The following SMAD4 variants were observed in gnomAD, a reference collection of about 807,000 sequenced individuals.
SMAD4 encodes the protein MAD homolog 4.
SMAD4 carries 7 observed loss-of-function variants against 63.2 expected under a neutral mutation model. The ratio of observed to expected loss-of-function variants is 0.11; its 90% CI spans 0.06 to 0.21. The LOEUF (loss-of-function observed/expected upper bound fraction) is 0.21. Among genes scored for constraint, SMAD4 ranks in the 10% least tolerant of loss-of-function variants. SMAD4 has a pLI of 1.00. For synonymous variants in SMAD4, 215 were observed against 235.4 expected (o/e 0.91, Z 0.79); for missense variants, 312 against 693.8 (o/e 0.45, Z 6.18).
rs1446395355 is a variant in SMAD4 at position 51,083,747 on chromosome 18, A to G, written c.*5280A>G. 6 of 229,784 alleles carry G rather than the reference A, an allele frequency of 2.6e-5. No individual in the cohort carries two copies. The highest frequency in any genetic ancestry group is 1.1e-4 in the African/African-American group (5 of 45,140). The allele number at this position is 229,784 out of a possible 1,614,324, so 14.2% of individuals were successfully genotyped here. ...CTGTAAAATGAGGGAGTTGGAGTAG[A>G]TTAATTATTCCAGCTCTGAAATTCT... On this transcript the variant is annotated 3_prime_UTR_variant, in exon 12 of 12. Coordinates refer to ENST00000342988, the MANE Select transcript of SMAD4 (RefSeq NM_005359.6).
chr18:51,046,973 T>C lies in SMAD4; in HGVS notation c.-74T>C. On this transcript the variant is annotated 5_prime_UTR_variant, in exon 2 of 12. Coordinates refer to ENST00000342988, the MANE Select transcript of SMAD4 (RefSeq NM_005359.6). ...TCCTTGCAACGTTAGCTGTTGTTTTTCACTGTTTCCAAAGGATCAAAATTG... is the reference window on the plus strand; with the variant it reads ...TCCTTGCAACGTTAGCTGTTGTTTTCCACTGTTTCCAAAGGATCAAAATTG... 7.0e-7 allele frequency: 1 copy of C among 1,418,460 alleles called. No homozygotes were observed. Among genetic ancestry groups the C allele is most frequent in the Non-Finnish European group, 9.9e-7 (1 of 1,006,058 alleles). 87.9% of individuals were successfully genotyped at this position (1,418,460 alleles called of 1,614,324 possible). A position where few individuals can be genotyped will look rare whatever the true frequency, so the allele number is the denominator to read the frequency against.
chr18:51,065,324 C>CT, intron 8 of SMAD4, 99 bp from the exon 9 acceptor site: 1 of 971,080 alleles, frequency 1.0e-6, no homozygotes, highest in Non-Finnish European at 1.7e-6. Flanking sequence ...TCTCCCCTCC[C>CT]TTTACCCTTT....
Position 51,058,178 on chromosome 18 carries a change from G to C in SMAD4, c.721G>C (p.Ala241Pro), listed in dbSNP as rs1599189522. 6.2e-7 allele frequency: 1 copy of C among 1,614,184 alleles called. No homozygotes were observed. The highest frequency in any genetic ancestry group is 8.5e-7 in the Non-Finnish European group (1 of 1,180,012). Reference protein sequence around the residue: ...GSHSEGLLQIASGPQPGQQQN... With the variant: ...GSHSEGLLQIPSGPQPGQQQN... ...CCATAGTGAAGGACTGTTGCAGATAGCATCAGGGCCTCAGCCAGGACAGCA... is the reference window on the plus strand; with the variant it reads ...CCATAGTGAAGGACTGTTGCAGATACCATCAGGGCCTCAGCCAGGACAGCA... Residue 241 changes from alanine (A) to proline (P), a missense_variant, in exon 6 of 12, where the codon GCA (alanine) becomes CCA (proline). By Grantham distance (27) the Ala-to-Pro change is conservative. This residue lies in a region of SMAD4 where 169 missense variants were observed against 211.0 expected (regional missense o/e 0.80). Coordinates refer to ENST00000342988, the MANE Select transcript of SMAD4 (RefSeq NM_005359.6).
chr18:51,062,193 T>G (rs1317609032), intron 8 of SMAD4, among the ~76,000 whole-genome samples: 3 of 152,220 alleles, frequency 2.0e-5, no homozygotes, highest in South Asian at 2.1e-4. Context: ...TGTGTTACAT[T>G]GTGTGTTGTG....
intron 5 of SMAD4, among the ~76,000 whole-genome samples, chr18:51,056,620 CAAAAAAAAAAAA>C (rs74178610): frequency 3.4e-5 from 2 of 59,322 alleles, no homozygotes; most frequent in African/African-American, 7.0e-5. Context: ...ACTCCATCTC[CAAAAAAAAAAAA>C]AAAAAAAAAA....
Position 51,033,294 on chromosome 18 carries a change from A to G in SMAD4, c.-128+2671A>G, listed in dbSNP as rs1308417378. Among the ~76,000 whole-genome samples, 4 of 149,402 alleles carry G rather than the reference A, an allele frequency of 2.7e-5. No homozygotes were observed. The East Asian group carries it at 5.9e-4, about 22-fold the overall frequency. On this transcript the variant is annotated intron_variant, in intron 1 of 11. Transcript: ENST00000342988. ...AAACCCCGCCTTCCGGGTTCAAGCG[A>G]TTCTCCTGCGTCAGCCTCCTGAGTA...
intron 10 of SMAD4, among the ~76,000 whole-genome samples, chr18:51,073,388 T>TATATATATATATATATATAC (rs1417299090): frequency 3.1e-5 from 2 of 64,186 alleles, no homozygotes; most frequent in African/African-American, 1.5e-4. Flanking sequence ...TATATATATA[T>TATATATATATATATATATAC]ACACACACAC....
chr18:51,030,830 C>T (rs760744160), intron 1 of SMAD4, among the ~76,000 whole-genome samples: 17 of 151,632 alleles, frequency 1.1e-4, no homozygotes, highest in Non-Finnish European at 1.9e-4. Context: ...GCCTCGCGTC[C>T]CTCGGGCCCC....
intron 5 of SMAD4, among the ~76,000 whole-genome samples, chr18:51,055,335 T>G (rs1346670686): frequency 1.3e-5 from 2 of 152,192 alleles, no homozygotes; most frequent in African/African-American, 4.8e-5. Context: ...GTTAATGGAA[T>G]TGCAACCTTT....
intron 4 of SMAD4, chr18:51,053,896 G>T (rs184231325): frequency 6.6e-6 from 1 of 152,182 alleles, no homozygotes; most frequent in Admixed American, 6.5e-5. Flanking sequence ...TAAAGGATTG[G>T]TTGCTAAAGG....
At chr18:51,060,036 A>C (rs753776689) in intron 8 of SMAD4, 120 bp downstream of exon 8, 1 of 756,186 alleles carries the variant, frequency 1.3e-6, no homozygotes, top group Non-Finnish European at 2.4e-6. Flanking sequence ...AATACTCATC[A>C]TGACATGAGT....
In SMAD4 at chr18:51,033,186, ATTTT is replaced by A. The variant is rs34008927; in HGVS notation, c.-128+2581_-128+2584del. On this transcript the variant is annotated intron_variant, in intron 1 of 11. Coordinates refer to ENST00000342988, the MANE Select transcript of SMAD4 (RefSeq NM_005359.6). ...AGGACTTACACCAGCATAACACAGC[ATTTT>A]TTTTTTTTTTTTTTTTTGAGATGGA... is the stretch of plus-strand genomic sequence containing the variant. Among the ~76,000 whole-genome samples, 6 of 117,310 alleles carry A rather than the reference ATTTT, an allele frequency of 5.1e-5. No homozygotes were observed. The East Asian group carries it at 1.5e-3, about 29-fold the overall frequency. The allele number at this position is 117,310 out of a possible 152,430, so 77.0% of individuals were successfully genotyped here. A position where few individuals can be genotyped will look rare whatever the true frequency, so the allele number is the denominator to read the frequency against.
chr18:51,076,813 A>G, intron 11 of SMAD4, 37 bp downstream of exon 11: 5 of 1,479,108 alleles, frequency 3.4e-6, no homozygotes, highest in South Asian at 1.3e-5. Flanking sequence ...AAGGTATAAT[A>G]GTTGATATTT....
At chr18:51,077,923 G>C (rs1910510751) in intron 11 of SMAD4, among the ~76,000 whole-genome samples, 1 of 152,154 alleles carries the variant, frequency 6.6e-6, no homozygotes, top group Non-Finnish European at 1.5e-5. Flanking sequence ...GCAACCTGTG[G>C]ACACGCACTA....
chr18:51,070,081 T>G (rs1254722538), intron 10 of SMAD4, among the ~76,000 whole-genome samples: 2 of 152,220 alleles, frequency 1.3e-5, no homozygotes, highest in East Asian at 3.8e-4. Context: ...GTATACCCAC[T>G]TAACCCATCT....
chr18:51,052,691 G>A, intron 4 of SMAD4: 1 of 261,664 alleles, frequency 3.8e-6, no homozygotes, highest in Non-Finnish European at 7.9e-6. Flanking sequence ...GAAAAGAAGT[G>A]CTCCCACCCC....
chr18:51,036,320 A>G (rs1909205065), intron 1 of SMAD4, among the ~76,000 whole-genome samples: 1 of 152,222 alleles, frequency 6.6e-6, no homozygotes, highest in South Asian at 2.1e-4. Flanking sequence ...TTTTCAAGTC[A>G]AAATGTATTT....
intron 1 of SMAD4, among the ~76,000 whole-genome samples, 192 bp downstream of exon 1, chr18:51,030,815 G>A (rs977529449): frequency 2.0e-5 from 3 of 151,598 alleles, no homozygotes; most frequent in African/African-American, 7.3e-5. Flanking sequence ...ATGCCGGGCG[G>A]CGGTGCCTCG....
chr18:51,051,448 T>G (rs1211246532), intron 4 of SMAD4: 2 of 452,170 alleles, frequency 4.4e-6, no homozygotes, highest in Non-Finnish European at 8.9e-6. Context: ...GGACAGTTCC[T>G]TCATTTTTGA....
Sources: gnomAD v4.1 joint callset for allele counts (sites outside exome capture counted in the v4.1 genomes callset) on GRCh38, gnomAD v4.1.1 for gene constraint, gnomAD v4.1.1 regional missense constraint, MANE v1.5 for transcripts, NCBI Gene and HGNC (gene_info 2026-07-23, HGNC 2026-07-21) for gene names.